The following RIMS2 variants were observed in gnomAD, a reference collection of about 807,000 sequenced individuals.
The protein encoded by RIMS2 is regulating synaptic membrane exocytosis 2, also known as regulating synaptic membrane exocytosis protein 2.
A neutral mutation model predicts 174.4 loss-of-function variants in RIMS2; 59 were observed. The observed-to-expected ratio is 0.34, with a 90% CI of 0.27 to 0.42. The LOEUF (loss-of-function observed/expected upper bound fraction) is 0.42. RIMS2 is among the 10% of genes least tolerant of loss of function. The pLI, the probability that RIMS2 is intolerant of heterozygous loss-of-function variation, is 1.00. For missense variants in RIMS2, 1,620 were observed against 1,666.3 expected, an observed-to-expected ratio of 0.97 and a Z score of 0.48; for synonymous variants, 606 against 572.5, an observed-to-expected ratio of 1.06 and a Z score of -0.84.
At chr8:103,813,400 C>CTTTCTTTCT (rs1320853875) in intron 3 of RIMS2, among the ~76,000 whole-genome samples, 12 of 151,672 alleles carry the variant, frequency 7.9e-5, no homozygotes, top group African/African-American at 2.7e-4. Flanking sequence ...TTCTTTCTTT[C>CTTTCTTTCT]TTTCTTTCTT....
chr8:104,186,764 T>A (rs2098970163), intron 19 of RIMS2, among the ~76,000 whole-genome samples: 1 of 151,774 alleles, frequency 6.6e-6, no homozygotes, highest in African/African-American at 2.4e-5. Context: ...ATAGGCAGAT[T>A]TTTTTACTTA....
At chr8:103,631,427 G>C (rs1358251250) in intron 1 of RIMS2, among the ~76,000 whole-genome samples, 3 of 152,196 alleles carry the variant, frequency 2.0e-5, no homozygotes, top group African/African-American at 7.2e-5. Context: ...TTTTGTTGAA[G>C]ATCAGATGGC....
intron 19 of RIMS2, among the ~76,000 whole-genome samples, chr8:104,179,861 C>T (rs894835240): frequency 6.6e-6 from 1 of 151,736 alleles, no homozygotes; most frequent in Non-Finnish European, 1.5e-5. Context: ...TACTTACCTA[C>T]CTCCTCTGCT....
chr8:103,870,355 C>CCAT, intron 3 of RIMS2, among the ~76,000 whole-genome samples: 1 of 151,322 alleles, frequency 6.6e-6, no homozygotes, highest in Admixed American at 6.6e-5. Context: ...CTTATCACCA[C>CCAT]CACCACCATC....
At chr8:103,750,444 T>A (rs2097873202) in intron 2 of RIMS2, among the ~76,000 whole-genome samples, 2 of 152,162 alleles carry the variant, frequency 1.3e-5, no homozygotes, top group Non-Finnish European at 1.5e-5. Context: ...CATTTTAAAA[T>A]AACAAAGAGT....
At chr8:103,913,012 T>A (rs1187489403) in intron 6 of RIMS2, among the ~76,000 whole-genome samples, 1 of 147,210 alleles carries the variant, frequency 6.8e-6, no homozygotes, top group East Asian at 2.0e-4. Context: ...TCGCTGTATG[T>A]CCCAGGCTGG....
intron 5 of RIMS2, chr8:103,910,505 C>A: frequency 6.3e-7 from 1 of 1,594,716 alleles, no homozygotes; most frequent in Non-Finnish European, 8.5e-7. Context: ...CAACCCTTAA[C>A]GAGGAGCATA....
At chr8:103,501,013 G>A (rs375661760) in exon 1 of RIMS2, 35 of 1,610,932 alleles carry the variant, frequency 2.2e-5, no homozygotes, top group Non-Finnish European at 2.6e-5. Context: ...CATCCTGGCC[G>A]TCATGGATAG....
intron 1 of RIMS2, among the ~76,000 whole-genome samples, chr8:103,511,897 G>A (rs569193236): frequency 2.0e-5 from 3 of 152,310 alleles, no homozygotes; most frequent in African/African-American, 7.2e-5. Context: ...CTTCCTGTGT[G>A]TCTGAGGCTG....
At chr8:103,707,493 C>T in intron 2 of RIMS2, among the ~76,000 whole-genome samples, 1 of 152,160 alleles carries the variant, frequency 6.6e-6, no homozygotes. Flanking sequence ...CACTAGAGGG[C>T]ACTCTAAGCC....
intron 19 of RIMS2, among the ~76,000 whole-genome samples, chr8:104,209,495 C>A (rs1256634862): frequency 1.3e-5 from 2 of 152,196 alleles, no homozygotes; most frequent in African/African-American, 4.8e-5. Flanking sequence ...GTGAGGAACA[C>A]CCTGACTATC....
intron 3 of RIMS2, 139 bp downstream of exon 6, chr8:103,766,676 A>G (rs1282930439): frequency 3.1e-6 from 2 of 642,000 alleles, no homozygotes; most frequent in African/African-American, 1.8e-5. Context: ...CATAAATACT[A>G]TATGTGATGT....
intron 19 of RIMS2, among the ~76,000 whole-genome samples, chr8:104,158,807 A>T (rs547889347): frequency 6.6e-6 from 1 of 151,980 alleles, no homozygotes; most frequent in Non-Finnish European, 1.5e-5. Flanking sequence ...CCTTTTTCAG[A>T]TGGATAGATT....
At chr8:103,908,604 A>C (rs73697700) in intron 4 of RIMS2, among the ~76,000 whole-genome samples, 17,101 of 152,122 alleles carry the variant, frequency 0.11, 1,357 homozygotes, top group African/African-American at 0.23. Flanking sequence ...CCATTCAGTT[A>C]TTAATGCCAG....
At chr8:103,762,219 T>A (rs1278536487) in intron 2 of RIMS2, among the ~76,000 whole-genome samples, 1 of 152,040 alleles carries the variant, frequency 6.6e-6, no homozygotes, top group African/African-American at 2.4e-5. Context: ...CTCTTAATAT[T>A]TCTATATTAT....
At chr8:104,230,583 T>C (rs371457469) in intron 19 of RIMS2, among the ~76,000 whole-genome samples, 10 of 152,040 alleles carry the variant, frequency 6.6e-5, no homozygotes, top group African/African-American at 1.9e-4. Flanking sequence ...GAGGCGGAAG[T>C]TGCAGTGAGC....
chr8:104,140,067 T>C (rs1030932631), intron 19 of RIMS2, among the ~76,000 whole-genome samples: 2 of 152,234 alleles, frequency 1.3e-5, no homozygotes, highest in Admixed American at 6.5e-5. Flanking sequence ...ATCACATTGA[T>C]TGATTTACAT....
At chr8:104,144,590 T>A (rs1201533268) in intron 19 of RIMS2, among the ~76,000 whole-genome samples, 2 of 152,202 alleles carry the variant, frequency 1.3e-5, no homozygotes, top group South Asian at 2.1e-4. Context: ...AAACTTTTTT[T>A]AAAACATAGC....
chr8:104,066,771 G>A (rs1446331825), intron 19 of RIMS2, among the ~76,000 whole-genome samples: 1 of 152,072 alleles, frequency 6.6e-6, no homozygotes, highest in Non-Finnish European at 1.5e-5. Context: ...TTATTAACAT[G>A]TGACTATTAT....
Sources: gnomAD v4.1 joint callset for allele counts (sites outside exome capture counted in the v4.1 genomes callset) on GRCh38, gnomAD v4.1.1 for gene constraint, MANE v1.5 for transcripts, NCBI Gene and HGNC (gene_info 2026-07-23, HGNC 2026-07-21) for gene names.